The following FNDC3A variants were observed in gnomAD, a reference collection of about 807,000 sequenced individuals.
FNDC3A encodes fibronectin type III domain containing 3A, also known as fibronectin type-III domain-containing protein 3A.
In FNDC3A, 32 loss-of-function variants were observed where a neutral mutation model predicts 148.9. The ratio of observed to expected loss-of-function variants is 0.21; its 90% CI spans 0.16 to 0.29. The LOEUF (loss-of-function observed/expected upper bound fraction) is 0.29. FNDC3A is among the 10% of genes least tolerant of loss of function. The pLI is 1.00. For missense variants in FNDC3A, 1,191 were observed against 1,452.8 expected, an observed-to-expected ratio of 0.82 and a Z score of 2.93; for synonymous variants, 472 against 473.6, an observed-to-expected ratio of 1.00 and a Z score of 0.04.
chr13:49,028,593 A>G (rs935827824), intron 2 of FNDC3A, among the ~76,000 whole-genome samples: 7 of 152,214 alleles, frequency 4.6e-5, no homozygotes, highest in African/African-American at 1.7e-4. Context: ...AAAAGATAGA[A>G]TAAGAGAACT....
intron 14 of FNDC3A, among the ~76,000 whole-genome samples, chr13:49,185,003 A>AT (rs888530088): frequency 3.9e-5 from 6 of 152,094 alleles, no homozygotes; most frequent in South Asian, 2.1e-4. Context: ...CAGTACCAAG[A>AT]TTTTTTGGGG....
intron 17 of FNDC3A, among the ~76,000 whole-genome samples, chr13:49,189,704 C>A (rs1885783448): frequency 6.6e-6 from 1 of 152,148 alleles, no homozygotes; most frequent in Admixed American, 6.5e-5. Context: ...GTAAGAAAAT[C>A]TCCCTGGATT....
intron 6 of FNDC3A, among the ~76,000 whole-genome samples, chr13:49,137,771 A>G (rs185026069): frequency 6.8e-4 from 104 of 152,308 alleles, no homozygotes; most frequent in African/African-American, 2.3e-3. Context: ...TTGTAATGTT[A>G]AGCTTGTAAC....
chr13:48,979,852 G>C (rs368025795), intron 1 of FNDC3A, among the ~76,000 whole-genome samples: 2 of 151,984 alleles, frequency 1.3e-5, no homozygotes, highest in South Asian at 2.1e-4. Context: ...TTTTAAAAAC[G>C]TAAAAATTTT....
chr13:49,006,106 A>G (rs1002322524), intron 1 of FNDC3A, 46 bp from the exon 2 acceptor site: 1 of 680,952 alleles, frequency 1.5e-6, no homozygotes, highest in Non-Finnish European at 2.5e-6. Context: ...GTTTTACTGT[A>G]TTTTAAGGAT....
intron 3 of FNDC3A, among the ~76,000 whole-genome samples, chr13:49,114,207 CT>C (rs754467030): frequency 6.6e-6 from 1 of 152,042 alleles, no homozygotes; most frequent in Non-Finnish European, 1.5e-5. Flanking sequence ...GTCCCTGTAA[CT>C]TTTGAAAATT....
chr13:49,015,560 C>G (rs949881368), intron 2 of FNDC3A, among the ~76,000 whole-genome samples: 33 of 152,226 alleles, frequency 2.2e-4, no homozygotes, highest in African/African-American at 7.7e-4. Flanking sequence ...GACAATTTGA[C>G]TTCCTCTTTT....
At chr13:49,174,695 G>C (rs1281481408) in intron 12 of FNDC3A, 136 bp downstream of exon 12, 3 of 718,100 alleles carry the variant, frequency 4.2e-6, no homozygotes, top group Non-Finnish European at 6.6e-6. Flanking sequence ...GTTAAGATGT[G>C]TTACCAGTCT....
rs1021186926 is a variant in FNDC3A, at chr13:49,006,164, A to T, written c.-27A>T. On this transcript the variant is annotated 5_prime_UTR_variant, in exon 2 of 26. Coordinates refer to ENST00000492622, the MANE Select transcript of FNDC3A (RefSeq NM_001079673.2). ...GTTTGTTTTTCAGAATTGGAGCGTT[A>T]TTCAGTATATTAATGTCTTATTGAT... is the stretch of plus-strand genomic sequence containing the variant. 1 of 1,262,388 alleles carries T rather than the reference A, an allele frequency of 7.9e-7. No homozygotes were observed. Among genetic ancestry groups the T allele is most frequent in the South Asian group, 1.2e-5 (1 of 81,080 alleles). The allele number at this position is 1,262,388 out of a possible 1,614,324, so 78.2% of individuals were successfully genotyped here. A position where few individuals can be genotyped will look rare whatever the true frequency, so the allele number is the denominator to read the frequency against.
intron 2 of FNDC3A, among the ~76,000 whole-genome samples, chr13:49,058,959 C>T (rs1876455418): frequency 6.6e-6 from 1 of 152,184 alleles, no homozygotes; most frequent in Non-Finnish European, 1.5e-5. Context: ...ACCTAGCTTT[C>T]AGTTCCCAGT....
intron 11 of FNDC3A, 33 bp downstream of exon 11, chr13:49,172,129 A>T (rs1187810643): frequency 3.0e-6 from 4 of 1,338,960 alleles, no homozygotes; most frequent in Admixed American, 1.8e-5. Flanking sequence ...AATGGTTAAC[A>T]TTATGTGCAT....
At chr13:49,131,052 T>C in intron 4 of FNDC3A, 85 bp from the exon 5 acceptor site, 1 of 1,034,312 alleles carries the variant, frequency 9.7e-7, no homozygotes, top group East Asian at 2.4e-5. Flanking sequence ...AGGCATGAGC[T>C]ACCGTGCCTA....
chr13:49,125,882 A>G (rs560803089), intron 4 of FNDC3A, among the ~76,000 whole-genome samples: 59 of 152,172 alleles, frequency 3.9e-4, no homozygotes, highest in Non-Finnish European at 8.2e-4. Flanking sequence ...GTCTTTGCCT[A>G]CTTAGAAATT....
intron 3 of FNDC3A, among the ~76,000 whole-genome samples, chr13:49,108,628 A>G (rs1880352543): frequency 6.6e-6 from 1 of 152,248 alleles, no homozygotes; most frequent in Non-Finnish European, 1.5e-5. Context: ...GATAAGTTAA[A>G]TAGTCAAGAA....
At chr13:49,073,453 G>C (rs1877842586) in intron 2 of FNDC3A, among the ~76,000 whole-genome samples, 1 of 151,612 alleles carries the variant, frequency 6.6e-6, no homozygotes, top group Admixed American at 6.6e-5. Flanking sequence ...TCCAAAATTG[G>C]AAACTTTCTG....
At chr13:49,032,333 A>G (rs1237079182) in intron 2 of FNDC3A, among the ~76,000 whole-genome samples, 1 of 152,212 alleles carries the variant, frequency 6.6e-6, no homozygotes, top group Non-Finnish European at 1.5e-5. Flanking sequence ...TAAAAAAATG[A>G]ACAGCATTAT....
chr13:49,095,123 C>G lies in FNDC3A; in HGVS notation c.176-19532C>G, dbSNP rs983510650. On this transcript the variant is annotated intron_variant, in intron 3 of 25. Coordinates refer to ENST00000492622, the MANE Select transcript of FNDC3A (RefSeq NM_001079673.2). ...ACCCCTTTTAAATTGTTTAGTCCAA[C>G]TTTATTTAAAAATGTATATATATTT... Among the ~76,000 whole-genome samples, 10 of 151,878 alleles carry G rather than the reference C, an allele frequency of 6.6e-5. No homozygotes were observed. The East Asian group carries it at 1.9e-3, about 29-fold the overall frequency.
At chr13:48,993,198 T>A (rs1444096754) in intron 1 of FNDC3A, among the ~76,000 whole-genome samples, 1 of 152,342 alleles carries the variant, frequency 6.6e-6, no homozygotes, top group Non-Finnish European at 1.5e-5. Flanking sequence ...TACATTGTTA[T>A]CAACTTTACA....
chr13:49,125,617 A>G (rs1255531560), intron 4 of FNDC3A, among the ~76,000 whole-genome samples: 1 of 152,178 alleles, frequency 6.6e-6, no homozygotes, highest in Non-Finnish European at 1.5e-5. Context: ...AAAGAAATGT[A>G]GCATTCTGTT....
Sources: gnomAD v4.1 joint callset for allele counts (sites outside exome capture counted in the v4.1 genomes callset) on GRCh38, gnomAD v4.1.1 for gene constraint, MANE v1.5 for transcripts, NCBI Gene and HGNC (gene_info 2026-07-23, HGNC 2026-07-21) for gene names.